Variants in TRIOBP observed in about 807,000 individuals in gnomAD.
The protein encoded by TRIOBP is TRIO and F-actin-binding protein.
A neutral mutation model predicts 238.8 loss-of-function variants in TRIOBP; 169 were observed. The observed-to-expected ratio is 0.71, with a 90% CI of 0.62 to 0.80. The LOEUF (loss-of-function observed/expected upper bound fraction) is 0.80, where lower values mean the gene tolerates loss of function less well. Among genes scored for constraint, TRIOBP ranks in the 30% least tolerant of loss-of-function variants. TRIOBP has a pLI of 0.00. For missense variants in TRIOBP, 2,838 were observed against 3,122.6 expected (o/e 0.91, Z 2.17); for synonymous variants, 1,150 against 1,274.4 (o/e 0.90, Z 2.08).
chr22:37,741,526 G>A (rs959765385), intron 11 of TRIOBP, among the ~76,000 whole-genome samples: 5 of 152,280 alleles, frequency 3.3e-5, no homozygotes, highest in African/African-American at 1.2e-4. Context: ...GCTGAGACCC[G>A]CTCCCTCCCA....
intron 15 of TRIOBP, among the ~76,000 whole-genome samples, chr22:37,756,689 A>T (rs950566769): frequency 6.6e-6 from 1 of 151,496 alleles, no homozygotes; most frequent in Admixed American, 6.6e-5. Context: ...CAGGGGAGCC[A>T]CCTGCCACAC....
At chr22:37,749,047 C>G (rs2145859029) in intron 11 of TRIOBP, among the ~76,000 whole-genome samples, 1 of 152,248 alleles carries the variant, frequency 6.6e-6, no homozygotes, top group East Asian at 1.9e-4. Context: ...GGCAGCTGGA[C>G]TTTGTTTTAA....
chr22:37,756,344 T>G (rs1286513964), intron 15 of TRIOBP, among the ~76,000 whole-genome samples: 5 of 152,204 alleles, frequency 3.3e-5, no homozygotes. Flanking sequence ...GCCTGTCAGC[T>G]GAGGTGGGAG....
In TRIOBP at chr22:37,747,579, TC is replaced by T. The variant is rs373595713; in HGVS notation, c.5323-4191del. ...ATCCTGCCACCTCCCTGCTGGCCCTTCCTGTCGTCAGCAGCCTCCCCTTTTC... is the reference window on the plus strand; with the variant it reads ...ATCCTGCCACCTCCCTGCTGGCCCTTCTGTCGTCAGCAGCCTCCCCTTTTC... On this transcript the variant is annotated intron_variant, in intron 11 of 23. Coordinates refer to ENST00000644935, the MANE Select transcript of TRIOBP (RefSeq NM_001039141.3). Among the ~76,000 whole-genome samples the T allele has an allele frequency of 2.0e-4, 30 of 152,326 alleles. No individual in the cohort carries two copies. In the South Asian group the frequency reaches 6.2e-3, roughly 32 times the overall value.
Position 37,723,615 on chromosome 22 carries a change from C to T in TRIOBP, c.1059C>T (p.Asn353=), listed in dbSNP as rs2145832365. 6.2e-7 allele frequency: 1 copy of T among 1,614,166 alleles called. No individual in the cohort carries two copies. The highest frequency in any genetic ancestry group is 2.2e-5 in the East Asian group (1 of 44,884). Reference sequence around the variant, plus strand: ...CCTCACGAAGCACCCAACTGGATAACCCCAGAACCTCTTCTACCCAGCAGG... The same window carrying T: ...CCTCACGAAGCACCCAACTGGATAATCCCAGAACCTCTTCTACCCAGCAGG... ...SSPSRSTQLD[N]PRTSSTQQDN... is the part of the protein sequence containing the mutation. Residue 353 remains asparagine, a synonymous_variant, in exon 7 of 24, where the codon AAC becomes AAT. Transcript: ENST00000644935.
At chr22:37,737,660 CAAAA>C (rs35569585) in intron 9 of TRIOBP, among the ~76,000 whole-genome samples, 1 of 92,934 alleles carries the variant, frequency 1.1e-5, no homozygotes. Flanking sequence ...GACTCCATCT[CAAAA>C]AAAAAAAAAA....
rs1421977241 is a variant in TRIOBP at position 37,757,732 on chromosome 22, CG to C, written c.5809del (p.Asp1937ThrfsTer15). The C allele has an allele frequency of 6.4e-7, 1 of 1,572,994 alleles. No homozygotes were observed. Among genetic ancestry groups the C allele is most frequent in the Admixed American group, 1.9e-5 (1 of 54,012 alleles). On this transcript the variant is annotated frameshift_variant, in exon 16 of 24. Coordinates refer to ENST00000644935, the MANE Select transcript of TRIOBP (RefSeq NM_001039141.3). LOFTEE classifies it high-confidence loss of function. ...EVISRGGPRKADGQRQALDYV... is the reference protein window; with the variant it reads ...EVISRGGPRKXDGQRQALDYV... The stretch of plus-strand genomic sequence containing the variant: ...ATCAGCCGGGGTGGCCCTCGGAAGG[CG>C]GACGGGCAGCGTCAGGCCTTGGACT...
Position 37,725,408 on chromosome 22 carries a change from C to A in TRIOBP, c.2852C>A (p.Ser951Tyr), listed in dbSNP as rs777460827. The A allele has an allele frequency of 1.2e-6, 2 of 1,610,728 alleles. No homozygotes were observed. The highest frequency in any genetic ancestry group is 2.2e-5 in the South Asian group (2 of 90,862). The change falls in exon 7 of 24, where the codon TCT becomes TAT. Residue 951 changes from serine (S) to tyrosine (Y), a missense_variant. Transcript: ENST00000644935. ...CAAGGTGACAGGCCTCAGACATCCT[C>A]TCCCAGCAGGCCAGCCCAGCATGAC... ...PTQGDRPQTSSPSRPAQHDPP... is the reference protein window; with the variant it reads ...PTQGDRPQTSYPSRPAQHDPP...
Position 37,771,751 on chromosome 22 carries a change from T to C in TRIOBP, c.6936+15T>C, listed in dbSNP as rs772034384. 1.9e-6 allele frequency: 3 copies of C among 1,613,096 alleles called. No homozygotes were observed. In the Admixed American group the frequency reaches 5.0e-5, roughly 27 times the overall value. On this transcript the variant is annotated intron_variant, in intron 22 of 23. Transcript: ENST00000644935. ...TGATGCAGAAGGTAGGTCCTTCCGC[T>C]GGGCTGGGGGCCGTCGGGGACTCTG... is the stretch of plus-strand genomic sequence containing the variant.
intron 11 of TRIOBP, among the ~76,000 whole-genome samples, chr22:37,747,918 A>G (rs984067628): frequency 3.9e-5 from 6 of 152,138 alleles, no homozygotes; most frequent in Non-Finnish European, 8.8e-5. Context: ...AGCAAGGGTA[A>G]GGCTGCCGGA....
intron 22 of TRIOBP, among the ~76,000 whole-genome samples, chr22:37,772,256 C>T (rs1271397421): frequency 2.0e-5 from 3 of 152,164 alleles, no homozygotes; most frequent in Non-Finnish European, 2.9e-5. Flanking sequence ...TGAGCCAGAC[C>T]GTGTTTACCG....
chr22:37,762,042 C>A (rs1048326548), intron 17 of TRIOBP, among the ~76,000 whole-genome samples: 1 of 152,158 alleles, frequency 6.6e-6, no homozygotes, highest in Non-Finnish European at 1.5e-5. Flanking sequence ...CACCTATAAT[C>A]AGAGTGGCTT....
intron 6 of TRIOBP, among the ~76,000 whole-genome samples, chr22:37,721,955 G>C (rs909863205): frequency 6.6e-6 from 1 of 152,206 alleles, no homozygotes; most frequent in African/African-American, 2.4e-5. Flanking sequence ...GAGTTGCAAA[G>C]AGGGTCACTA....
At position 37,725,924 on chromosome 22, in the gene TRIOBP, C is replaced by T; in HGVS notation, c.3368C>T (p.Ser1123Phe). ...GGGTACCGAGATGCACCCCGGGCCT[C>T]CTCCCCACCACGCCAGGCCCCAGAG... Reference protein sequence around the residue: ...CIGYRDAPRASSPPRQAPEPS... With the variant: ...CIGYRDAPRAFSPPRQAPEPS... Residue 1123 changes from serine (S) to phenylalanine (F), a missense_variant, in exon 7 of 24, where the codon TCC (serine) becomes TTC (phenylalanine). Physicochemically the swap from Ser to Phe is radical, Grantham distance 155. Coordinates refer to ENST00000644935, the MANE Select transcript of TRIOBP (RefSeq NM_001039141.3). 6.2e-7 allele frequency: 1 copy of T among 1,613,832 alleles called. No homozygotes were observed. The highest frequency in any genetic ancestry group is 8.5e-7 in the Non-Finnish European group (1 of 1,179,962).
intron 11 of TRIOBP, among the ~76,000 whole-genome samples, chr22:37,742,790 G>C (rs1000772319): frequency 6.6e-6 from 1 of 152,200 alleles, no homozygotes; most frequent in Non-Finnish European, 1.5e-5. Flanking sequence ...TGGCTAACCA[G>C]CACTTATTGT....
intron 4 of TRIOBP, among the ~76,000 whole-genome samples, chr22:37,712,851 G>T (rs186115418): frequency 0.045 from 6,898 of 151,732 alleles, 170 homozygotes; most frequent in South Asian, 0.093. Context: ...CAGCTACTGG[G>T]GAGGCTGAGG....
At chr22:37,769,997 G>A (rs1204581322) in intron 21 of TRIOBP, among the ~76,000 whole-genome samples, 1 of 151,290 alleles carries the variant, frequency 6.6e-6, no homozygotes, top group Admixed American at 6.6e-5. Context: ...ACAAAGTGCT[G>A]GGATTACAGC....
chr22:37,717,040 C>G (rs951300214), intron 6 of TRIOBP, among the ~76,000 whole-genome samples: 11 of 152,178 alleles, frequency 7.2e-5, no homozygotes, highest in African/African-American at 2.7e-4. Context: ...CGCGATATTA[C>G]AGTTCTTAAA....
intron 6 of TRIOBP, among the ~76,000 whole-genome samples, chr22:37,717,728 CAT>C (rs1441306951): frequency 6.6e-6 from 1 of 152,232 alleles, no homozygotes; most frequent in African/African-American, 2.4e-5. Flanking sequence ...CTTAGCTAGA[CAT>C]AAAGGTTCTC....
Sources: gnomAD v4.1 joint callset for allele counts (sites outside exome capture counted in the v4.1 genomes callset) on GRCh38, gnomAD v4.1.1 for gene constraint, MANE v1.5 for transcripts, NCBI Gene and HGNC (gene_info 2026-07-23, HGNC 2026-07-21) for gene names.